PSMD9: variants seen among roughly 807,000 people sequenced by gnomAD.
PSMD9 encodes the protein proteasome 26S subunit, non-ATPase 9, also known as 26S proteasome non-ATPase regulatory subunit 9.
PSMD9 carries 26 observed loss-of-function variants against 25.9 expected under a neutral mutation model. The ratio of observed to expected loss-of-function variants is 1.00; its 90% CI spans 0.73 to 1.39. The LOEUF is 1.39. Among genes scored for constraint, PSMD9 ranks in the 40% most tolerant of loss-of-function variants. The pLI is 0.00. For missense variants in PSMD9, 303 were observed against 299.3 expected (o/e 1.01, Z -0.09); for synonymous variants, 110 against 114.5 (o/e 0.96, Z 0.25).
rs778499956 is a variant in PSMD9 at position 121,899,786 on chromosome 12, C to G, written c.394C>G (p.Pro132Ala). 2.5e-6 allele frequency: 4 copies of G among 1,614,064 alleles called. No homozygotes were observed. The Admixed American group carries it at 6.7e-5, about 27-fold the overall frequency. ...ACTGGGTCAGAGTGAGAGCCAGGGC[C>G]CTCCACGGGCCTTCGCCAAAGTGAA... Reference protein sequence around the residue: ...RKLGQSESQGPPRAFAKVNSI... With the variant: ...RKLGQSESQGAPRAFAKVNSI... Residue 132 changes from proline (P) to alanine (A), a missense_variant, in exon 3 of 6, where the codon CCT (proline) becomes GCT (alanine). Coordinates refer to ENST00000541212, the MANE Select transcript of PSMD9 (RefSeq NM_002813.7).
intron 4 of PSMD9, 53 bp from the exon 5 acceptor site, chr12:121,915,803 C>A (rs1324223109): frequency 2.1e-6 from 3 of 1,430,808 alleles, no homozygotes; most frequent in Non-Finnish European, 2.9e-6. Context: ...TTTTAGCCTG[C>A]ATCTCTGAGT....
At chr12:121,903,213 GGCAGGGA>G (rs1166501871) in intron 4 of PSMD9, 106 bp downstream of exon 4, 1 of 1,044,574 alleles carries the variant, frequency 9.6e-7, no homozygotes, top group Non-Finnish European at 1.4e-6. Context: ...CAGCTCTGGA[GGCAGGGA>G]AGTCCAAGAT....
chr12:121,892,925 A>G (rs1457266707), intron 1 of PSMD9, among the ~76,000 whole-genome samples: 3 of 152,182 alleles, frequency 2.0e-5, no homozygotes, highest in Non-Finnish European at 4.4e-5. Flanking sequence ...GGTCAGTTAT[A>G]TGGTATCTGA....
chr12:121,908,271 C>G (rs1057018732), intron 4 of PSMD9: 1 of 151,888 alleles, frequency 6.6e-6, no homozygotes, highest in Non-Finnish European at 1.5e-5. Flanking sequence ...CTCCGCCTCC[C>G]GGGTTCAAGC....
intron 4 of PSMD9, among the ~76,000 whole-genome samples, chr12:121,907,777 C>T (rs962307157): frequency 2.6e-5 from 4 of 152,302 alleles, no homozygotes; most frequent in East Asian, 1.9e-4. Flanking sequence ...CAGTGGCTCA[C>T]GCCTGTGTTC....
At chr12:121,889,418 G>C (rs578119556) in intron 1 of PSMD9, among the ~76,000 whole-genome samples, 1 of 152,302 alleles carries the variant, frequency 6.6e-6, no homozygotes, top group African/African-American at 2.4e-5. Flanking sequence ...GAGTCTCACT[G>C]TGTTGCCCAG....
At position 121,888,829 on chromosome 12, in the gene PSMD9, T is replaced by A. The variant is rs2137670168; in HGVS notation, c.-28T>A. ...CGTCGTCCCTAGCCCGGGAGCCGGG[T>A]CTCTGGAGTCGCGGCCCGGGGTTCA... is the stretch of plus-strand genomic sequence containing the variant. On this transcript the variant is annotated 5_prime_UTR_variant, in exon 1 of 6. Transcript: ENST00000541212. 3.1e-6 allele frequency: 5 copies of A among 1,592,762 alleles called. No homozygotes were observed. The Admixed American group carries it at 7.0e-5, about 22-fold the overall frequency.
intron 2 of PSMD9, chr12:121,898,481 C>T: frequency 6.6e-6 from 1 of 152,178 alleles, no homozygotes; most frequent in African/African-American, 2.4e-5. Flanking sequence ...CCTTTGGCCA[C>T]CTCCCTGTGG....
chr12:121,911,679 T>A (rs1879726586), intron 4 of PSMD9, among the ~76,000 whole-genome samples: 1 of 146,090 alleles, frequency 6.8e-6, no homozygotes, highest in Admixed American at 7.0e-5. Flanking sequence ...TTTTTTGAGA[T>A]GGAGTCTTGC....
In PSMD9 at chr12:121,899,610, CCTGATGTGTGGTTCTCAT is replaced by C. The variant is rs1439195789; in HGVS notation, c.242-22_242-5del. 23 of 1,571,958 alleles carry C rather than the reference CCTGATGTGTGGTTCTCAT, an allele frequency of 1.5e-5. No individual in the cohort carries two copies. Among genetic ancestry groups the C allele is most frequent in the Non-Finnish European group, 1.9e-5 (22 of 1,157,350 alleles). ...GTGTCCTCCACTGTCTTCCTTGGCC[CCTGATGTGTGGTTCTCAT>C]CCCAGGCCTGCAGAATGATCACAAG... On this transcript the variant is annotated splice_polypyrimidine_tract_variant and splice_region_variant and intron_variant, in intron 2 of 5. Transcript: ENST00000541212.
At chr12:121,901,667 T>C (rs1331740810) in intron 3 of PSMD9, among the ~76,000 whole-genome samples, 5 of 6,824 alleles carry the variant, frequency 7.3e-4, no homozygotes, top group Admixed American at 1.8e-3. Context: ...TCATTCCTTC[T>C]TTTTTTTTTT....
intron 4 of PSMD9, among the ~76,000 whole-genome samples, chr12:121,913,207 G>C (rs193194973): frequency 6.6e-6 from 1 of 152,060 alleles, no homozygotes; most frequent in Non-Finnish European, 1.5e-5. Context: ...GCCTCCCAAA[G>C]TGCTGGGATT....
rs1242148961 is a variant in PSMD9 at position 121,916,478 on chromosome 12, G to A, written c.*167G>A. 4 of 795,354 alleles carry A rather than the reference G, an allele frequency of 5.0e-6. No individual in the cohort carries two copies. The highest frequency in any genetic ancestry group is 8.1e-6 in the Non-Finnish European group (4 of 491,518). 49.3% of individuals were successfully genotyped at this position (795,354 alleles called of 1,614,324 possible). A position where few individuals can be genotyped will look rare whatever the true frequency, so the allele number is the denominator to read the frequency against. Reference sequence around the variant, plus strand: ...GTGGCCCACCAGTGTAATCTCCCTGGATTAAGGCATTCTTAAAAACTTAGG... The same window carrying A: ...GTGGCCCACCAGTGTAATCTCCCTGAATTAAGGCATTCTTAAAAACTTAGG... On this transcript the variant is annotated 3_prime_UTR_variant, in exon 6 of 6. Transcript: ENST00000541212.
intron 4 of PSMD9, among the ~76,000 whole-genome samples, chr12:121,909,314 CTTTT>C (rs140343580): frequency 7.1e-6 from 1 of 141,174 alleles, no homozygotes. Context: ...CAGCCACTGC[CTTTT>C]TTTTTTTTTT....
At chr12:121,912,781 G>A (rs763686731) in intron 4 of PSMD9, among the ~76,000 whole-genome samples, 1 of 148,704 alleles carries the variant, frequency 6.7e-6, no homozygotes, top group African/African-American at 2.5e-5. Context: ...CAGGAGAATC[G>A]CTTGAGCCCA....
At chr12:121,891,930 G>A (rs930053264) in intron 1 of PSMD9, among the ~76,000 whole-genome samples, 11 of 145,938 alleles carry the variant, frequency 7.5e-5, no homozygotes, top group African/African-American at 2.5e-4. Context: ...AAAAAGAAGT[G>A]GACAGCTAAA....
At chr12:121,891,770 G>A (rs1263903577) in intron 1 of PSMD9, among the ~76,000 whole-genome samples, 1 of 151,810 alleles carries the variant, frequency 6.6e-6, no homozygotes, top group Non-Finnish European at 1.5e-5. Context: ...GCCAGGTGTG[G>A]TGGTACACAT....
At position 121,894,810 on chromosome 12, in the gene PSMD9, C is replaced by T; in HGVS notation, c.210C>T (p.Tyr70=). ...ACCCCCGGTCAGACGTGGACCTGTACCAAGTCCGCACCGCCAGGCACAACA... is the reference window on the plus strand; with the variant it reads ...ACCCCCGGTCAGACGTGGACCTGTATCAAGTCCGCACCGCCAGGCACAACA... ...EGYPRSDVDL[Y]QVRTARHNII... is the part of the protein sequence containing the mutation. Residue 70 remains tyrosine (Y), a synonymous_variant, in exon 2 of 6, where the codon TAC becomes TAT. Transcript: ENST00000541212. The T allele has an allele frequency of 6.2e-6, 10 of 1,613,956 alleles. No individual in the cohort carries two copies. Among genetic ancestry groups the T allele is most frequent in the Non-Finnish European group, 8.5e-6 (10 of 1,179,958 alleles).
Position 121,888,805 on chromosome 12 carries a change from G to T in PSMD9, c.-52G>T, listed in dbSNP as rs1878957103. On this transcript the variant is annotated 5_prime_UTR_variant, in exon 1 of 6. Transcript: ENST00000541212. ...AGCCGTAGTTACGGTCGACTGGGGC[G>T]TCGTCCCTAGCCCGGGAGCCGGGTC... 6.4e-7 allele frequency: 1 copy of T among 1,566,188 alleles called. No homozygotes were observed. The highest frequency in any genetic ancestry group is 8.6e-7 in the Non-Finnish European group (1 of 1,156,328).
Sources: allele counts gnomAD v4.1 joint callset (sites outside exome capture counted in the v4.1 genomes callset), GRCh38; gene constraint gnomAD v4.1.1; transcripts MANE v1.5; gene names NCBI Gene and HGNC (gene_info 2026-07-23, HGNC 2026-07-21).